Variants in ERICH3 observed in about 807,000 individuals in gnomAD.
ERICH3 encodes glutamate-rich protein 3.
A neutral mutation model predicts 131.1 loss-of-function variants in ERICH3; 126 were observed. The observed-to-expected ratio is 0.96, with a 90% CI of 0.83 to 1.11. ERICH3 has a LOEUF of 1.11. Ranked by LOEUF, ERICH3 falls within the 50% of genes most tolerant of loss-of-function variation. ERICH3 has a pLI of 0.00. For missense variants in ERICH3, 2,050 were observed against 1,810.7 expected (o/e 1.13, Z -2.40); for synonymous variants, 695 against 644.6 (o/e 1.08, Z -1.18).
At chr1:74,622,692 T>A (rs546650050) in intron 7 of ERICH3, 11 of 152,294 alleles carry the variant, frequency 7.2e-5, no homozygotes, top group Admixed American at 6.5e-4. Flanking sequence ...AAGCACTATA[T>A]AAATACTAGG....
chr1:74,598,030 G>A (rs1306054373), intron 11 of ERICH3, among the ~76,000 whole-genome samples: 1 of 151,708 alleles, frequency 6.6e-6, no homozygotes, highest in African/African-American at 2.4e-5. Flanking sequence ...TACTCCTCTT[G>A]CATTTTCTTT....
At chr1:74,631,657 A>G in intron 7 of ERICH3, 56 bp downstream of exon 7, 1 of 1,390,104 alleles carries the variant, frequency 7.2e-7, no homozygotes, top group Non-Finnish European at 1.0e-6. Context: ...TAGAAATCTA[A>G]TAGTGCAATG....
intron 4 of ERICH3, 80 bp from the exon 5 acceptor site, chr1:74,641,539 T>C: frequency 1.4e-6 from 2 of 1,418,286 alleles, no homozygotes; most frequent in Non-Finnish European, 1.9e-6. Context: ...TGCGAAATAC[T>C]ATATGACTAA....
At chr1:74,587,185 C>T (rs1466000065) in intron 12 of ERICH3, among the ~76,000 whole-genome samples, 2 of 151,582 alleles carry the variant, frequency 1.3e-5, no homozygotes, top group Admixed American at 6.6e-5. Context: ...ATTAGCCAGG[C>T]GTGGTGGCGA....
In ERICH3 at chr1:74,662,602, G is replaced by A. The variant is rs1441016576; in HGVS notation, c.23+10895C>T. On this transcript the variant is annotated intron_variant, in intron 1 of 14. Transcript: ENST00000326665. The stretch of plus-strand genomic sequence containing the variant: ...AATCCTAATTTGGTATGTACAGTTA[G>A]TGTTCTACTCAAGGTTCCAAAAACT... 2.6e-5 allele frequency among the ~76,000 whole-genome samples: 4 copies of A among 152,206 alleles called. No individual in the cohort carries two copies. The East Asian group carries it at 7.7e-4, about 29-fold the overall frequency.
intron 6 of ERICH3, chr1:74,634,593 CAT>C (rs1476584371): frequency 1.4e-6 from 1 of 693,004 alleles, no homozygotes; most frequent in East Asian, 2.7e-5. Context: ...ATGGTGTTCA[CAT>C]GTCTAATGAA....
chr1:74,608,936 G>A (rs1445631353), intron 9 of ERICH3, among the ~76,000 whole-genome samples: 1 of 151,972 alleles, frequency 6.6e-6, no homozygotes, highest in Non-Finnish European at 1.5e-5. Flanking sequence ...CTGCGTAAAG[G>A]CTTTGATGCC....
chr1:74,670,161 A>T (rs966793752), intron 1 of ERICH3, among the ~76,000 whole-genome samples: 1 of 152,132 alleles, frequency 6.6e-6, no homozygotes, highest in East Asian at 1.9e-4. Context: ...TACTTTTGAT[A>T]AATTACAACC....
intron 2 of ERICH3, among the ~76,000 whole-genome samples, chr1:74,648,671 C>T (rs1032970445): frequency 2.0e-5 from 3 of 152,102 alleles, no homozygotes; most frequent in Admixed American, 6.6e-5. Flanking sequence ...AATACTATAA[C>T]ATTTTGAAAA....
At chr1:74,597,573 A>AT (rs1557676183) in intron 11 of ERICH3, among the ~76,000 whole-genome samples, 1 of 151,992 alleles carries the variant, frequency 6.6e-6, no homozygotes, top group East Asian at 1.9e-4. Context: ...CTAATTATAG[A>AT]TTTTTCCCAT....
chr1:74,612,423 AC>A (rs1328351846), intron 9 of ERICH3, among the ~76,000 whole-genome samples, 199 bp downstream of exon 9: 2 of 152,166 alleles, frequency 1.3e-5, no homozygotes, highest in African/African-American at 4.8e-5. Flanking sequence ...TCGTTATATA[AC>A]ACCTCTGTAA....
intron 1 of ERICH3, among the ~76,000 whole-genome samples, chr1:74,659,967 T>C (rs1646624581): frequency 6.6e-6 from 1 of 152,194 alleles, no homozygotes; most frequent in Non-Finnish European, 1.5e-5. Flanking sequence ...TTATTTATGC[T>C]ATGGCTTGGC....
At chr1:74,612,922 C>A (rs1386505704) in intron 8 of ERICH3, 113 bp from the exon 9 acceptor site, 2 of 916,212 alleles carry the variant, frequency 2.2e-6, no homozygotes, top group East Asian at 5.4e-5. Flanking sequence ...TCAGGGGTGT[C>A]CAATCTTTTG....
intron 7 of ERICH3, among the ~76,000 whole-genome samples, chr1:74,621,207 A>G (rs1408389234): frequency 6.6e-6 from 1 of 151,990 alleles, no homozygotes; most frequent in African/African-American, 2.4e-5. Context: ...GGTGTGTGGG[A>G]GTGTGTTTGT....
At chr1:74,658,671 T>C (rs1646609891) in intron 1 of ERICH3, among the ~76,000 whole-genome samples, 2 of 152,192 alleles carry the variant, frequency 1.3e-5, no homozygotes. Flanking sequence ...AAAGGTTAGG[T>C]TAATTTCCTA....
At position 74,640,460 on chromosome 1, in the gene ERICH3, G is replaced by C. The variant is rs138514260; in HGVS notation, c.444+871C>G. Among the ~76,000 whole-genome samples, 667 of 152,228 alleles carry C rather than the reference G, an allele frequency of 4.4e-3. 3 individuals are homozygous for C. The highest frequency in any genetic ancestry group is 0.015 in the African/African-American group (629 of 41,548). ...TGTGATGAACCTACTTCAACAATCT[G>C]TGAAAGCATTGCAATTTCTCCATAA... On this transcript the variant is annotated intron_variant, in intron 5 of 14. Transcript: ENST00000326665.
intron 11 of ERICH3, among the ~76,000 whole-genome samples, chr1:74,591,355 T>G (rs1423406121): frequency 6.6e-6 from 1 of 152,190 alleles, no homozygotes; most frequent in Admixed American, 6.6e-5. Context: ...ACTTCTGACA[T>G]GTAAGCTATA....
intron 9 of ERICH3, among the ~76,000 whole-genome samples, chr1:74,611,739 A>T (rs1012053048): frequency 6.6e-6 from 1 of 151,960 alleles, no homozygotes; most frequent in Admixed American, 6.6e-5. Flanking sequence ...CAAGAAAGAA[A>T]TTTTTTTTCT....
intron 11 of ERICH3, among the ~76,000 whole-genome samples, chr1:74,597,825 A>C (rs1416903157): frequency 6.6e-6 from 1 of 151,982 alleles, no homozygotes; most frequent in Non-Finnish European, 1.5e-5. Flanking sequence ...ACAGAACTAG[A>C]AAAACCTATT....
Sources: gnomAD v4.1 joint callset for allele counts (sites outside exome capture counted in the v4.1 genomes callset) on GRCh38, gnomAD v4.1.1 for gene constraint, MANE v1.5 for transcripts, NCBI Gene and HGNC (gene_info 2026-07-23, HGNC 2026-07-21) for gene names.